TBC1D22A: variants seen among roughly 807,000 people sequenced by gnomAD.
The protein encoded by TBC1D22A is TBC1 domain family member 22A, also known as putative GTPase activator.
A neutral mutation model predicts 60.2 loss-of-function variants in TBC1D22A; 38 were observed. The ratio of observed to expected loss-of-function variants is 0.63; its 90% CI spans 0.49 to 0.83. The LOEUF (loss-of-function observed/expected upper bound fraction) is 0.83, where lower values mean the gene tolerates loss of function less well. TBC1D22A is among the 40% of genes least tolerant of loss of function. The pLI is 0.00. For synonymous variants in TBC1D22A, 302 were observed against 281.7 expected, an observed-to-expected ratio of 1.07 and a Z score of -0.72; for missense variants, 628 against 701.0, an observed-to-expected ratio of 0.90 and a Z score of 1.18.
At chr22:47,081,425 G>A (rs2064463644) in intron 11 of TBC1D22A, among the ~76,000 whole-genome samples, 1 of 152,124 alleles carries the variant, frequency 6.6e-6, no homozygotes, top group South Asian at 2.1e-4. Context: ...TCCCCCTAAG[G>A]TGAGAACCAG....
At chr22:46,801,316 A>G (rs902169675) in intron 4 of TBC1D22A, among the ~76,000 whole-genome samples, 5 of 152,256 alleles carry the variant, frequency 3.3e-5, no homozygotes, top group Non-Finnish European at 7.3e-5. Flanking sequence ...TTCACATTAC[A>G]TGAAAGACGT....
chr22:47,066,600 G>A (rs1245801635), intron 11 of TBC1D22A, among the ~76,000 whole-genome samples: 1 of 152,210 alleles, frequency 6.6e-6, no homozygotes, highest in Non-Finnish European at 1.5e-5. Context: ...AGGTATTCCC[G>A]TGGAAGGCAA....
chr22:46,766,826 G>A (rs890384197), intron 1 of TBC1D22A, among the ~76,000 whole-genome samples: 5 of 152,086 alleles, frequency 3.3e-5, no homozygotes, highest in Admixed American at 1.3e-4. Flanking sequence ...ATGAGCCACC[G>A]TGCCCGGCCC....
intron 11 of TBC1D22A, among the ~76,000 whole-genome samples, chr22:47,044,010 T>TGGGGAGGAGCCTGTCTGAGCGGCG (rs1403804182): frequency 3.6e-5 from 1 of 27,518 alleles, no homozygotes; most frequent in East Asian, 7.8e-3. Context: ...AGGGCAGGGC[T>TGGGGAGGAGCCTGTCTGAGCGGCG]CCGCCTTTTA....
Position 47,032,170 on chromosome 22 carries a change from C to A in TBC1D22A, c.1202-4901C>A, listed in dbSNP as rs528478267. Reference sequence around the variant, plus strand: ...CCGGTGAGCCACGGCTCCTCTTCTGCGTGTGACTCTGTGGTGTGCACCTTC... The same window carrying A: ...CCGGTGAGCCACGGCTCCTCTTCTGAGTGTGACTCTGTGGTGTGCACCTTC... On this transcript the variant is annotated intron_variant, in intron 10 of 12. Coordinates refer to ENST00000337137, the MANE Select transcript of TBC1D22A (RefSeq NM_014346.5). 2.4e-3 allele frequency among the ~76,000 whole-genome samples: 358 copies of A among 152,326 alleles called. 1 individual carries two copies. Among genetic ancestry groups the A allele is most frequent in the African/African-American group, 8.2e-3 (343 of 41,588 alleles).
At chr22:47,076,355 G>GTGTGTGTGTATATATATATATATATATA (rs1462693147) in intron 11 of TBC1D22A, among the ~76,000 whole-genome samples, 334 of 69,898 alleles carry the variant, frequency 4.8e-3, no homozygotes, top group Middle Eastern at 0.014. Context: ...ATATATATAT[G>GTGTGTGTGTATATATATATATATATATA]TGTGTGTATA....
In TBC1D22A at chr22:47,169,799, C is replaced by T. The variant is rs143153495; in HGVS notation, c.1426-3699C>T. Among the ~76,000 whole-genome samples the T allele has an allele frequency of 3.6e-3, 545 of 152,302 alleles. 1 individual carries two copies. The highest frequency in any genetic ancestry group is 0.013 in the African/African-American group (527 of 41,568). On this transcript the variant is annotated intron_variant, in intron 12 of 12. Coordinates refer to ENST00000337137, the MANE Select transcript of TBC1D22A (RefSeq NM_014346.5). ...AGAGCCTTCCTTTAACTTTTAGATCCACAGATGTGGCCATTAATTGTTTAT... is the reference window on the plus strand; with the variant it reads ...AGAGCCTTCCTTTAACTTTTAGATCTACAGATGTGGCCATTAATTGTTTAT...
intron 12 of TBC1D22A, among the ~76,000 whole-genome samples, chr22:47,147,782 G>A (rs562842588): frequency 6.6e-6 from 1 of 152,374 alleles, no homozygotes; most frequent in South Asian, 2.1e-4. Flanking sequence ...TGCACTGTCT[G>A]CGGGGAGCTG....
At chr22:46,941,705 G>GTGGAATGTATATA (rs1569249189) in intron 8 of TBC1D22A, among the ~76,000 whole-genome samples, 1 of 107,208 alleles carries the variant, frequency 9.3e-6, no homozygotes, top group African/African-American at 3.5e-5. Context: ...GATTATATAT[G>GTGGAATGTATATA]CGGAATATAT....
At chr22:47,074,368 C>T (rs1006512530) in intron 11 of TBC1D22A, among the ~76,000 whole-genome samples, 5 of 152,150 alleles carry the variant, frequency 3.3e-5, no homozygotes, top group Admixed American at 2.6e-4. Context: ...AAGGACTGCT[C>T]GGTATCAATG....
chr22:47,095,462 T>C (rs959751847), intron 11 of TBC1D22A, among the ~76,000 whole-genome samples: 2 of 152,274 alleles, frequency 1.3e-5, no homozygotes, highest in Non-Finnish European at 2.9e-5. Flanking sequence ...TTTGCCTTAG[T>C]TCCTACATTT....
Position 46,899,202 on chromosome 22 carries a change from T to G in TBC1D22A, c.900+4356T>G, listed in dbSNP as rs533919501. 2.9e-4 allele frequency among the ~76,000 whole-genome samples: 44 copies of G among 152,114 alleles called. No homozygotes were observed. The South Asian group carries it at 9.1e-3, about 32-fold the overall frequency. On this transcript the variant is annotated intron_variant, in intron 7 of 12. Transcript: ENST00000337137. ...TGGCTCACACCTGTAATCCCAGCACTTCAGGAGGCCAAAGCAAGCAGATCA... is the reference window on the plus strand; with the variant it reads ...TGGCTCACACCTGTAATCCCAGCACGTCAGGAGGCCAAAGCAAGCAGATCA...
At chr22:47,122,544 T>C (rs534719537) in intron 12 of TBC1D22A, among the ~76,000 whole-genome samples, 2 of 152,226 alleles carry the variant, frequency 1.3e-5, no homozygotes, top group African/African-American at 4.8e-5. Context: ...TCTCAGCCCA[T>C]GTATGGCCAC....
At chr22:47,071,516 C>G (rs1034383607) in intron 11 of TBC1D22A, among the ~76,000 whole-genome samples, 14 of 152,248 alleles carry the variant, frequency 9.2e-5, no homozygotes, top group East Asian at 3.8e-4. Context: ...CGGCCCCACT[C>G]TGGGGTGGGC....
chr22:46,970,933 A>T (rs1288664738), intron 8 of TBC1D22A, among the ~76,000 whole-genome samples: 1 of 152,106 alleles, frequency 6.6e-6, no homozygotes, highest in African/African-American at 2.4e-5. Context: ...TATTTTCTGC[A>T]GCTTGTCCTG....
chr22:47,140,820 A>G (rs1275935600), intron 12 of TBC1D22A, among the ~76,000 whole-genome samples: 1 of 152,176 alleles, frequency 6.6e-6, no homozygotes, highest in African/African-American at 2.4e-5. Context: ...GGCTTATCAC[A>G]AAGTGCAACT....
chr22:47,104,301 C>CT (rs2065537542), intron 11 of TBC1D22A, among the ~76,000 whole-genome samples: 1 of 151,938 alleles, frequency 6.6e-6, no homozygotes, highest in Admixed American at 6.6e-5. Flanking sequence ...GAGTGAGACT[C>CT]TGTCTCAAAA....
chr22:47,119,619 C>T (rs1408690358), intron 12 of TBC1D22A, among the ~76,000 whole-genome samples: 3 of 152,060 alleles, frequency 2.0e-5, no homozygotes, highest in East Asian at 3.9e-4. Flanking sequence ...GCCTCAGCCT[C>T]CTGAGTAGCT....
At chr22:47,023,064 A>G (rs550233905) in intron 10 of TBC1D22A, among the ~76,000 whole-genome samples, 5 of 152,240 alleles carry the variant, frequency 3.3e-5, no homozygotes, top group Non-Finnish European at 4.4e-5. Flanking sequence ...CAGAAATGGT[A>G]CAGATGTTAG....
Sources: allele counts gnomAD v4.1 joint callset (sites outside exome capture counted in the v4.1 genomes callset), GRCh38; gene constraint gnomAD v4.1.1; transcripts MANE v1.5; gene names NCBI Gene and HGNC (gene_info 2026-07-23, HGNC 2026-07-21).